The following ADCY2 variants were observed in gnomAD, a reference collection of about 807,000 sequenced individuals.
ADCY2 encodes the protein adenylate cyclase type 2.
ADCY2 carries 31 observed loss-of-function variants against 125.2 expected under a neutral mutation model. The observed-to-expected ratio is 0.25, with a 90% confidence interval of 0.19 to 0.33. ADCY2 has a LOEUF of 0.33. Ranked by LOEUF, ADCY2 falls within the 10% of genes least tolerant of loss-of-function variation. The pLI is 1.00. For synonymous variants in ADCY2, 512 were observed against 548.4 expected (o/e 0.93, Z 0.93); for missense variants, 904 against 1,418.2 (o/e 0.64, Z 5.82).
In ADCY2 at chr5:7,643,725, G is replaced by A. The variant is rs78604794; in HGVS notation, c.720+17409G>A. On this transcript the variant is annotated intron_variant, in intron 4 of 24. Coordinates refer to ENST00000338316, the MANE Select transcript of ADCY2 (RefSeq NM_020546.3). Reference sequence around the variant, plus strand: ...ATAAATATAGTCCATTTTTATTTGTGGTAAGAATTGTTATGCCATATCTAG... The same window carrying A: ...ATAAATATAGTCCATTTTTATTTGTAGTAAGAATTGTTATGCCATATCTAG... Among the ~76,000 whole-genome samples, 459 of 151,086 alleles carry A rather than the reference G, an allele frequency of 3.0e-3. 1 individual carries two copies. Among genetic ancestry groups the A allele is most frequent in the Admixed American group, 5.7e-3 (86 of 15,152 alleles).
intron 14 of ADCY2, among the ~76,000 whole-genome samples, chr5:7,740,762 G>A (rs1742382924): frequency 6.6e-6 from 1 of 152,054 alleles, no homozygotes; most frequent in Non-Finnish European, 1.5e-5. Flanking sequence ...TTAGAAAAGA[G>A]TTATAATGAG....
At chr5:7,626,136 C>T in intron 3 of ADCY2, 31 bp from the exon 4 acceptor site, 2 of 1,596,226 alleles carry the variant, frequency 1.3e-6, no homozygotes, top group Non-Finnish European at 1.7e-6. Flanking sequence ...GAAACAGTTA[C>T]CCTATTGAGC....
intron 2 of ADCY2, among the ~76,000 whole-genome samples, chr5:7,498,490 C>T (rs562117251): frequency 7.9e-5 from 12 of 152,060 alleles, no homozygotes; most frequent in African/African-American, 1.9e-4. Context: ...CCTCGTGATC[C>T]GCCTGCTTCA....
At chr5:7,761,148 C>T (rs375048439) in intron 16 of ADCY2, among the ~76,000 whole-genome samples, 4,110 of 88,176 alleles carry the variant, frequency 0.047, 344 homozygotes, top group African/African-American at 0.13. Flanking sequence ...CTTTTCTTTT[C>T]TTTTTTTTTT....
intron 18 of ADCY2, among the ~76,000 whole-genome samples, chr5:7,783,536 A>G (rs1743985329): frequency 6.6e-6 from 1 of 152,108 alleles, no homozygotes; most frequent in Admixed American, 6.5e-5. Context: ...AAGCTGGAAA[A>G]ATAAAAAAAA....
chr5:7,659,815 C>T (rs191154115), intron 4 of ADCY2, among the ~76,000 whole-genome samples: 38 of 152,298 alleles, frequency 2.5e-4, no homozygotes, highest in African/African-American at 7.7e-4. Flanking sequence ...TCCAGGTGCT[C>T]GGCGAGAGCC....
Position 7,587,591 on chromosome 5 carries a change from T to C in ADCY2, c.571-38576T>C, listed in dbSNP as rs375281402. ...CAGGTGGGATTTATCTTTCCATTCC[T>C]TGAATCTTAGGTAGGGCCAGGTGCC... On this transcript the variant is annotated intron_variant, in intron 3 of 24. Transcript: ENST00000338316. 2.1e-4 allele frequency among the ~76,000 whole-genome samples: 32 copies of C among 152,304 alleles called. No individual in the cohort carries two copies. In the East Asian group the frequency reaches 5.6e-3, roughly 27 times the overall value.
chr5:7,491,852 T>C (rs956335169), intron 2 of ADCY2, among the ~76,000 whole-genome samples: 1 of 152,252 alleles, frequency 6.6e-6, no homozygotes, highest in African/African-American at 2.4e-5. Flanking sequence ...CCAAACAAGT[T>C]GTTCTGTTTT....
intron 3 of ADCY2, among the ~76,000 whole-genome samples, chr5:7,567,228 T>TGA (rs1561098894): frequency 2.0e-5 from 3 of 152,176 alleles, no homozygotes; most frequent in African/African-American, 7.2e-5. Flanking sequence ...ATCTTTGAAT[T>TGA]GAGGGGCAGT....
At chr5:7,419,565 C>T (rs189760700) in intron 2 of ADCY2, among the ~76,000 whole-genome samples, 1 of 152,322 alleles carries the variant, frequency 6.6e-6, no homozygotes, top group East Asian at 1.9e-4. Flanking sequence ...GAAGGTGAGG[C>T]TGACACTTTT....
intron 2 of ADCY2, among the ~76,000 whole-genome samples, chr5:7,437,264 G>A (rs1740840695): frequency 6.6e-6 from 1 of 152,188 alleles, no homozygotes; most frequent in Non-Finnish European, 1.5e-5. Flanking sequence ...ACAGAGCTAT[G>A]TAAAATGATG....
At chr5:7,816,370 C>T (rs1745111182) in intron 22 of ADCY2, among the ~76,000 whole-genome samples, 1 of 152,200 alleles carries the variant, frequency 6.6e-6, no homozygotes, top group Admixed American at 6.5e-5. Context: ...GAACGAGGCC[C>T]CAAGCCTCCT....
intron 2 of ADCY2, among the ~76,000 whole-genome samples, chr5:7,423,584 C>G (rs1740286167): frequency 6.6e-6 from 1 of 152,144 alleles, no homozygotes; most frequent in Non-Finnish European, 1.5e-5. Context: ...TGCCTTCTGC[C>G]ATGATTGTGA....
intron 7 of ADCY2, among the ~76,000 whole-genome samples, chr5:7,704,860 AGAGT>A (rs1286616411): frequency 1.3e-5 from 2 of 151,384 alleles, no homozygotes; most frequent in Non-Finnish European, 2.9e-5. Context: ...CCTGGGTGAC[AGAGT>A]GAGACTCCAT....
At position 7,690,843 on chromosome 5, in the gene ADCY2, C is replaced by T. The variant is rs372680981; in HGVS notation, c.869+4C>T. The T allele has an allele frequency of 1.7e-5, 26 of 1,557,836 alleles. No individual in the cohort carries two copies. The highest frequency in any genetic ancestry group is 4.8e-5 in the East Asian group (2 of 41,910). ...TGAAGCGGCATACAAACGTGAGGTA[C>T]GACGCTATGCTTGCTCCTTGGCTGG... On this transcript the variant is annotated splice_donor_region_variant and intron_variant, in intron 5 of 24. Coordinates refer to ENST00000338316, the MANE Select transcript of ADCY2 (RefSeq NM_020546.3).
intron 20 of ADCY2, chr5:7,797,107 C>A (rs1744444492): frequency 6.6e-6 from 1 of 152,258 alleles, no homozygotes; most frequent in Admixed American, 6.5e-5. Context: ...AAGCTTTAAG[C>A]TCTATGCCCA....
intron 4 of ADCY2, among the ~76,000 whole-genome samples, chr5:7,674,106 C>T (rs1256518181): frequency 6.6e-6 from 1 of 152,020 alleles, no homozygotes; most frequent in Non-Finnish European, 1.5e-5. Flanking sequence ...TCCCTAGCTT[C>T]GGTGTTGGAT....
chr5:7,707,997 G>A (rs1178539092), intron 9 of ADCY2, 159 bp downstream of exon 9: 6 of 770,002 alleles, frequency 7.8e-6, no homozygotes, highest in Non-Finnish European at 1.2e-5. Context: ...AAGATGTTTT[G>A]TAATTATGAA....
chr5:7,786,869 T>C (rs1170617950), intron 19 of ADCY2, among the ~76,000 whole-genome samples: 1 of 152,176 alleles, frequency 6.6e-6, no homozygotes, highest in Non-Finnish European at 1.5e-5. Context: ...TTCTTCTGTC[T>C]ACGTAGAAAG....
Sources: gnomAD v4.1 joint callset for allele counts (sites outside exome capture counted in the v4.1 genomes callset) on GRCh38, gnomAD v4.1.1 for gene constraint, MANE v1.5 for transcripts, NCBI Gene and HGNC (gene_info 2026-07-23, HGNC 2026-07-21) for gene names.